Variants in TBC1D15 observed in about 807,000 individuals in gnomAD.
The protein encoded by TBC1D15 is GAP for RAB7.
TBC1D15 carries 39 observed loss-of-function variants against 95.4 expected under a neutral mutation model. The ratio of observed to expected loss-of-function variants is 0.41; its 90% confidence interval spans 0.32 to 0.53. The LOEUF (loss-of-function observed/expected upper bound fraction) is 0.53. Among genes scored for constraint, TBC1D15 ranks in the 20% least tolerant of loss-of-function variants. The probability of loss-of-function intolerance (pLI) is 0.29; values close to 1 mark genes in which losing one functional copy is unlikely to be tolerated. For missense variants in TBC1D15, 733 were observed against 794.3 expected, an observed-to-expected ratio of 0.92 and a Z score of 0.93; for synonymous variants, 258 against 261.3, an observed-to-expected ratio of 0.99 and a Z score of 0.12.
intron 3 of TBC1D15, among the ~76,000 whole-genome samples, chr12:71,878,676 C>T (rs545617000): frequency 2.6e-5 from 4 of 151,632 alleles, no homozygotes; most frequent in East Asian, 3.9e-4. Context: ...CCACCACTCC[C>T]GGCTAATTTT....
chr12:71,922,146 G>A (rs1432628906), intron 16 of TBC1D15, among the ~76,000 whole-genome samples: 3 of 152,024 alleles, frequency 2.0e-5, no homozygotes, highest in Admixed American at 6.5e-5. Context: ...ATGCAGTGGC[G>A]TGACCTCGGC....
intron 1 of TBC1D15, among the ~76,000 whole-genome samples, chr12:71,852,908 C>A (rs1888180747): frequency 2.0e-5 from 3 of 152,200 alleles, no homozygotes; most frequent in Admixed American, 1.3e-4. Context: ...CTGAGCCCTC[C>A]ACACTCTTCT....
At chr12:71,866,594 G>A (rs1891552965) in intron 1 of TBC1D15, among the ~76,000 whole-genome samples, 1 of 152,126 alleles carries the variant, frequency 6.6e-6, no homozygotes, top group African/African-American at 2.4e-5. Flanking sequence ...TTCCTATGAT[G>A]CACTCTAGTG....
intron 1 of TBC1D15, among the ~76,000 whole-genome samples, chr12:71,845,538 A>G (rs915035379): frequency 4.6e-5 from 7 of 152,194 alleles, no homozygotes; most frequent in African/African-American, 1.7e-4. Context: ...TGAGATTAAG[A>G]TGCCTTATTG....
chr12:71,922,390 T>G (rs1251156045), intron 16 of TBC1D15, among the ~76,000 whole-genome samples: 1 of 146,694 alleles, frequency 6.8e-6, no homozygotes, highest in Non-Finnish European at 1.5e-5. Flanking sequence ...CGGCCATGAC[T>G]GCATTTTTTT....
chr12:71,839,876 C>A, intron 1 of TBC1D15, 65 bp downstream of exon 1: 1 of 1,602,090 alleles, frequency 6.2e-7, no homozygotes, highest in Non-Finnish European at 8.5e-7. Context: ...TGCTCCCTGG[C>A]AGCTGGTTGG....
chr12:71,913,974 T>G, intron 12 of TBC1D15, 48 bp downstream of exon 12: 1 of 1,393,990 alleles, frequency 7.2e-7, no homozygotes, highest in Non-Finnish European at 9.9e-7. Flanking sequence ...AAATTTTAGT[T>G]GTATAATTTT....
At chr12:71,916,913 A>T (rs1028974391) in intron 12 of TBC1D15, among the ~76,000 whole-genome samples, 1 of 152,174 alleles carries the variant, frequency 6.6e-6, no homozygotes, top group Admixed American at 6.5e-5. Context: ...TATGTGGGTT[A>T]TATCTGTTGA....
At chr12:71,910,952 A>T (rs572317425) in intron 11 of TBC1D15, among the ~76,000 whole-genome samples, 1 of 152,310 alleles carries the variant, frequency 6.6e-6, no homozygotes, top group African/African-American at 2.4e-5. Flanking sequence ...CCCATCAAAA[A>T]GTGGGCGAAG....
At chr12:71,902,700 A>G (rs1164649349) in intron 10 of TBC1D15, among the ~76,000 whole-genome samples, 1 of 152,208 alleles carries the variant, frequency 6.6e-6, no homozygotes, top group Non-Finnish European at 1.5e-5. Flanking sequence ...TCCAAAAGCA[A>G]TTACAACCAA....
chr12:71,907,264 G>A (rs1394480833), intron 11 of TBC1D15, 126 bp downstream of exon 11: 2 of 561,136 alleles, frequency 3.6e-6, no homozygotes, highest in Non-Finnish European at 5.9e-6. Flanking sequence ...TGTTCTCCAG[G>A]GGACTGGAAA....
rs772012203 is a variant in TBC1D15 at position 71,872,122 on chromosome 12, A to G, written c.83A>G (p.Asn28Ser). Residue 28 changes from asparagine to serine, a missense_variant, in exon 2 of 17, where the codon AAT becomes AGT. Asn to Ser is a conservative substitution (Grantham distance 46, BLOSUM62 1). Coordinates refer to ENST00000485960, the MANE Select transcript of TBC1D15 (RefSeq NM_001146213.3). ...ATTCACTCATCTTGTGGAAAGACCA[A>G]TGACCAAGACGGCTTGATTTCAGGA... ...VYIHSSCGKTNDQDGLISGIL... is the reference protein window; with the variant it reads ...VYIHSSCGKTSDQDGLISGIL... The G allele has an allele frequency of 1.9e-5, 30 of 1,580,408 alleles. No homozygotes were observed. Among genetic ancestry groups the G allele is most frequent in the African/African-American group, 4.1e-5 (3 of 73,324 alleles).
At chr12:71,870,029 A>G (rs1892326600) in intron 1 of TBC1D15, among the ~76,000 whole-genome samples, 1 of 152,148 alleles carries the variant, frequency 6.6e-6, no homozygotes, top group South Asian at 2.1e-4. Context: ...TTTGTTCTGT[A>G]TATTTCACAC....
chr12:71,845,376 A>G (rs1488826114), intron 1 of TBC1D15, among the ~76,000 whole-genome samples: 1 of 152,208 alleles, frequency 6.6e-6, no homozygotes, highest in Non-Finnish European at 1.5e-5. Flanking sequence ...CTTAGGCTAG[A>G]AATGATAAGG....
chr12:71,843,035 A>G (rs1434734399), intron 1 of TBC1D15, among the ~76,000 whole-genome samples: 1 of 151,896 alleles, frequency 6.6e-6, no homozygotes, highest in Non-Finnish European at 1.5e-5. Flanking sequence ...GCTTGTAATC[A>G]TCACTTTGGG....
At chr12:71,909,708 A>G (rs1388131580) in intron 11 of TBC1D15, among the ~76,000 whole-genome samples, 1 of 152,072 alleles carries the variant, frequency 6.6e-6, no homozygotes, top group Non-Finnish European at 1.5e-5. Context: ...GTACAGTAGG[A>G]TGATAAGGTG....
chr12:71,872,151 T>C lies in TBC1D15; in HGVS notation c.112T>C (p.Leu38=). ...NDQDGLISGI[L]RVLEKDAEVI... is the part of the protein sequence containing the mutation. ...CCAAGACGGCTTGATTTCAGGAATA[T>C]TACGTGTTTTAGAAAAGGTAAGTTT... is the stretch of plus-strand genomic sequence containing the variant. The change falls in exon 2 of 17, where the codon TTA becomes CTA. Residue 38 remains leucine, a synonymous_variant. Coordinates refer to ENST00000485960, the MANE Select transcript of TBC1D15 (RefSeq NM_001146213.3). The C allele has an allele frequency of 6.4e-7, 1 of 1,571,288 alleles. No individual in the cohort carries two copies. Among genetic ancestry groups the C allele is most frequent in the Non-Finnish European group, 8.6e-7 (1 of 1,160,368 alleles).
intron 10 of TBC1D15, among the ~76,000 whole-genome samples, chr12:71,899,415 T>C (rs956320152): frequency 1.3e-5 from 2 of 152,180 alleles, no homozygotes; most frequent in Non-Finnish European, 2.9e-5. Flanking sequence ...AGATCTAATT[T>C]TGAGTGGCCT....
chr12:71,849,959 G>C (rs1182957079), intron 1 of TBC1D15: 1 of 528,314 alleles, frequency 1.9e-6, no homozygotes, highest in African/African-American at 2.0e-5. Flanking sequence ...TGTTGATCCA[G>C]TATTGCAGGA....
Sources: allele counts gnomAD v4.1 joint callset (sites outside exome capture counted in the v4.1 genomes callset), GRCh38; gene constraint gnomAD v4.1.1; transcripts MANE v1.5; gene names NCBI Gene and HGNC (gene_info 2026-07-23, HGNC 2026-07-21).